Variants in FRYL observed in about 807,000 individuals in gnomAD.
FRYL encodes FRY like transcription coactivator.
FRYL carries 150 observed loss-of-function variants against 351.2 expected under a neutral mutation model. That is an observed-to-expected ratio of 0.43 (90% CI 0.37 to 0.49). The LOEUF is 0.49. FRYL is among the 20% of genes least tolerant of loss of function. The pLI, the probability that FRYL is intolerant of heterozygous loss-of-function variation, is 0.00. For synonymous variants in FRYL, 1,153 were observed against 1,257.1 expected, an observed-to-expected ratio of 0.92 and a Z score of 1.75; for missense variants, 3,036 against 3,619.3, an observed-to-expected ratio of 0.84 and a Z score of 4.13.
chr4:48,752,688 C>A (rs897364395), intron 1 of FRYL, among the ~76,000 whole-genome samples: 1 of 152,126 alleles, frequency 6.6e-6, no homozygotes, highest in Non-Finnish European at 1.5e-5. Flanking sequence ...AAGAAAAAAG[C>A]AACATGATAA....
intron 1 of FRYL, among the ~76,000 whole-genome samples, chr4:48,728,876 G>A (rs1279171930): frequency 6.6e-6 from 1 of 152,250 alleles, no homozygotes. Context: ...TGGTTGGACA[G>A]TGGGTGCAGC....
chr4:48,647,320 C>A (rs571603269), intron 3 of FRYL, among the ~76,000 whole-genome samples: 13 of 152,038 alleles, frequency 8.6e-5, no homozygotes, highest in Admixed American at 7.9e-4. Context: ...ACAGCAGGTA[C>A]AGAGAAAGGT....
At position 48,754,674 on chromosome 4, in the gene FRYL, T is replaced by TG. The variant is rs369199269; in HGVS notation, c.-384+25403_-384+25404insC. The stretch of plus-strand genomic sequence containing the variant: ...TTTCTGGGGTTTTTTTGGGGTTTTT[T>TG]TTTTTTTTTTTAAATGAGAGTCTCA... On this transcript the variant is annotated intron_variant, in intron 1 of 63. Coordinates refer to ENST00000358350, the MANE Select transcript of FRYL (RefSeq NM_015030.2). Among the ~76,000 whole-genome samples, 699 of 150,964 alleles carry TG rather than the reference T, an allele frequency of 4.6e-3. 4 individuals carry two copies. The highest frequency in any genetic ancestry group is 0.016 in the African/African-American group (655 of 41,154).
intron 3 of FRYL, among the ~76,000 whole-genome samples, chr4:48,658,671 C>T (rs1759772214): frequency 1.3e-5 from 2 of 150,878 alleles, no homozygotes; most frequent in East Asian, 1.9e-4. Context: ...GGAGGATCAA[C>T]GGGGCCCAGG....
rs372739623 is a variant in FRYL at position 48,532,656 on chromosome 4, A to C, written c.6706-1303T>G. ...TGGGCAACAGAGACTCCATCTCAAAAAAAACAAAACAAAACAAAAAAAAGT... is the reference window on the plus strand; with the variant it reads ...TGGGCAACAGAGACTCCATCTCAAACAAAACAAAACAAAACAAAAAAAAGT... On this transcript the variant is annotated intron_variant, in intron 49 of 63. Coordinates refer to ENST00000358350, the MANE Select transcript of FRYL (RefSeq NM_015030.2). 1.4e-3 allele frequency among the ~76,000 whole-genome samples: 216 copies of C among 152,312 alleles called. 1 individual carries two copies. The highest frequency in any genetic ancestry group is 4.6e-3 in the African/African-American group (190 of 41,576).
chr4:48,687,273 T>C (rs1351703999), intron 2 of FRYL, among the ~76,000 whole-genome samples: 1 of 152,130 alleles, frequency 6.6e-6, no homozygotes, highest in Non-Finnish European at 1.5e-5. Context: ...ACCATTGCTG[T>C]TCTTTCTTAT....
chr4:48,503,911 A>G (rs1272611942), intron 60 of FRYL, among the ~76,000 whole-genome samples: 1 of 152,190 alleles, frequency 6.6e-6, no homozygotes, highest in African/African-American at 2.4e-5. Flanking sequence ...TGAATTTTAA[A>G]TACCTTTCCT....
chr4:48,539,806 G>A (rs1560563849), intron 47 of FRYL, among the ~76,000 whole-genome samples, 165 bp downstream of exon 47: 3 of 152,130 alleles, frequency 2.0e-5, no homozygotes, highest in Admixed American at 6.6e-5. Context: ...TGTAACTTAC[G>A]CCATTACTAT....
rs1490426570 is a variant in FRYL, at chr4:48,741,300, T to C, written c.-383-30602A>G. Among the ~76,000 whole-genome samples, 8 of 152,184 alleles carry C rather than the reference T, an allele frequency of 5.3e-5. No homozygotes were observed. The East Asian group carries it at 1.4e-3, about 26-fold the overall frequency. On this transcript the variant is annotated intron_variant, in intron 1 of 63. Coordinates refer to ENST00000358350, the MANE Select transcript of FRYL (RefSeq NM_015030.2). ...GGCTCATGACTGTAATCTCACCACT[T>C]TGGGAGGCCGAGGCAGGCGGATCAC...
At chr4:48,656,904 C>A (rs1438316156) in intron 3 of FRYL, among the ~76,000 whole-genome samples, 1 of 151,930 alleles carries the variant, frequency 6.6e-6, no homozygotes, top group African/African-American at 2.4e-5. Context: ...ACTCAATAGG[C>A]CCATGTGGGC....
intron 49 of FRYL, among the ~76,000 whole-genome samples, chr4:48,533,263 A>G (rs769603254): frequency 3.3e-5 from 5 of 151,960 alleles, no homozygotes; most frequent in African/African-American, 4.8e-5. Flanking sequence ...CAAATATTTT[A>G]TAAGTTTTTT....
At chr4:48,628,505 A>C (rs750421794) in intron 4 of FRYL, among the ~76,000 whole-genome samples, 118 of 151,744 alleles carry the variant, frequency 7.8e-4, no homozygotes, top group Non-Finnish European at 1.4e-3. Flanking sequence ...AGAACAAAGA[A>C]TACGAGAGGC....
chr4:48,779,742 C>T (rs1422351576), intron 1 of FRYL, among the ~76,000 whole-genome samples: 1 of 151,790 alleles, frequency 6.6e-6, no homozygotes, highest in East Asian at 2.0e-4. Context: ...CGGGCGCGCG[C>T]GAGAAGAGCC....
chr4:48,674,101 C>G (rs1312920336), intron 3 of FRYL, among the ~76,000 whole-genome samples: 1 of 152,042 alleles, frequency 6.6e-6, no homozygotes, highest in East Asian at 1.9e-4. Flanking sequence ...TACATTAACC[C>G]TTATCCTTGA....
At chr4:48,742,780 T>C (rs1359053862) in intron 1 of FRYL, among the ~76,000 whole-genome samples, 1 of 152,004 alleles carries the variant, frequency 6.6e-6, no homozygotes, top group Non-Finnish European at 1.5e-5. Context: ...ATTTTACTTG[T>C]CCCACCCTTT....
chr4:48,524,543 G>A (rs1478137238), intron 53 of FRYL, among the ~76,000 whole-genome samples: 1 of 152,090 alleles, frequency 6.6e-6, no homozygotes, highest in Non-Finnish European at 1.5e-5. Flanking sequence ...TTGTTTTGTA[G>A]CAATCAAAGT....
chr4:48,583,264 G>T (rs2149170560), intron 19 of FRYL, among the ~76,000 whole-genome samples: 1 of 151,562 alleles, frequency 6.6e-6, no homozygotes, highest in Non-Finnish European at 1.5e-5. Context: ...CCATTCTCCT[G>T]CCTCAGCCTC....
intron 1 of FRYL, among the ~76,000 whole-genome samples, chr4:48,742,620 T>A (rs1318040702): frequency 6.6e-6 from 1 of 152,164 alleles, no homozygotes; most frequent in Non-Finnish European, 1.5e-5. Flanking sequence ...TTAGTATTAG[T>A]CATGCACTAG....
chr4:48,501,196 AT>A (rs1413235274), intron 62 of FRYL, among the ~76,000 whole-genome samples: 1 of 150,272 alleles, frequency 6.7e-6, no homozygotes, highest in Admixed American at 6.7e-5. Flanking sequence ...TTGTTTGACT[AT>A]TTTGATTTTC....
Sources: allele counts gnomAD v4.1 joint callset (sites outside exome capture counted in the v4.1 genomes callset), GRCh38; gene constraint gnomAD v4.1.1; transcripts MANE v1.5; gene names NCBI Gene and HGNC (gene_info 2026-07-23, HGNC 2026-07-21).